Variants in UBN1 observed in about 807,000 individuals in gnomAD.
UBN1 encodes the protein ubinuclein-1.
UBN1 carries 17 observed loss-of-function variants against 108.5 expected under a neutral mutation model. The ratio of observed to expected loss-of-function variants is 0.16; its 90% CI spans 0.11 to 0.24. The LOEUF (loss-of-function observed/expected upper bound fraction) is 0.24, where lower values mean the gene tolerates loss of function less well. Among genes scored for constraint, UBN1 ranks in the 10% least tolerant of loss-of-function variants. UBN1 has a pLI of 1.00. For synonymous variants in UBN1, 726 were observed against 564.2 expected (o/e 1.29, Z -4.07); for missense variants, 1,595 against 1,394.4 (o/e 1.14, Z -2.29).
chr16:4,878,089 G>A (rs2087967667), intron 17 of UBN1, among the ~76,000 whole-genome samples: 1 of 152,054 alleles, frequency 6.6e-6, no homozygotes, highest in Admixed American at 6.5e-5. Flanking sequence ...TCTGAAATAG[G>A]GAACTTCTAA....
chr16:4,859,333 G>A (rs1257329184), intron 5 of UBN1, among the ~76,000 whole-genome samples, 174 bp downstream of exon 5: 4 of 152,180 alleles, frequency 2.6e-5, no homozygotes, highest in Non-Finnish European at 5.9e-5. Flanking sequence ...ATGAGGACAC[G>A]TGCCCGTGGG....
intron 2 of UBN1, among the ~76,000 whole-genome samples, chr16:4,855,656 T>C (rs2086774284): frequency 6.7e-6 from 1 of 149,554 alleles, no homozygotes; most frequent in Non-Finnish European, 1.5e-5. Flanking sequence ...CAGTGACTCA[T>C]GCCTGTAATC....
Position 4,874,860 on chromosome 16 carries a change from T to A in UBN1, c.2450T>A (p.Phe817Tyr). ...GCCGGCACTCAGCAGCAGAAAAACT[T>A]CACGCCCCCATCTCCATTTGCCAAT... ...FHAGTQQQKN[F>Y]TPPSPFANKL... Residue 817 changes from phenylalanine (F) to tyrosine (Y), a missense_variant, in exon 15 of 18, where the codon TTC (phenylalanine) becomes TAC (tyrosine). Around this residue, in one of 3 missense-constraint regions of UBN1, gnomAD observed 1,398 missense variants for 1,194.7 expected, o/e 1.17. Transcript: ENST00000262376. 1.9e-6 allele frequency: 3 copies of A among 1,614,050 alleles called. No homozygotes were observed. The highest frequency in any genetic ancestry group is 2.5e-6 in the Non-Finnish European group (3 of 1,180,036).
At chr16:4,852,772 G>A in intron 1 of UBN1, 107 bp from the exon 2 acceptor site, 1 of 1,157,330 alleles carries the variant, frequency 8.6e-7, no homozygotes, top group Non-Finnish European at 1.2e-6. Flanking sequence ...TATAACAATG[G>A]AGTTTTCTTG....
intron 17 of UBN1, among the ~76,000 whole-genome samples, chr16:4,879,644 T>G (rs2088020674): frequency 6.6e-6 from 1 of 152,272 alleles, no homozygotes; most frequent in South Asian, 2.1e-4. Context: ...TCTGCGTTGC[T>G]TTCCTTTCTT....
intron 7 of UBN1, among the ~76,000 whole-genome samples, chr16:4,868,563 A>T (rs924109710): frequency 1.3e-5 from 2 of 152,204 alleles, no homozygotes; most frequent in Non-Finnish European, 2.9e-5. Flanking sequence ...GGCTAAGTGC[A>T]TTGTGATGGC....
chr16:4,877,747 G>A lies in UBN1; in HGVS notation c.3355+273G>A. ...GCGGGGGGCAGGGTGGTGCGCTTTT[G>A]TGTGCGGTGGAGGAGTTCCTAACCC... On this transcript the variant is annotated intron_variant, in intron 17 of 17. Transcript: ENST00000262376. The surrounding 1 kb of genome is among the most constrained non-coding windows in gnomAD (Gnocchi z 4.3). 2 of 1,173,224 alleles carry A rather than the reference G, an allele frequency of 1.7e-6. No homozygotes were observed. The highest frequency in any genetic ancestry group is 2.1e-6 in the Non-Finnish European group (2 of 951,618). The allele number at this position is 1,173,224 out of a possible 1,614,324, so 72.7% of individuals were successfully genotyped here.
rs2087601936 is a variant in UBN1 at position 4,870,960 on chromosome 16, A to G, written c.1547A>G (p.Asn516Ser). 5.0e-6 allele frequency: 8 copies of G among 1,614,206 alleles called. No homozygotes were observed. The East Asian group carries it at 1.6e-4, about 31-fold the overall frequency. ...IMGPRKKFQWNDEIRELLCQV... is the reference protein window; with the variant it reads ...IMGPRKKFQWSDEIRELLCQV... ...GGACCTCGGAAGAAGTTCCAATGGAATGATGAGATCAGGTGTGCCCACACT... is the reference window on the plus strand; with the variant it reads ...GGACCTCGGAAGAAGTTCCAATGGAGTGATGAGATCAGGTGTGCCCACACT... Residue 516 changes from asparagine (N) to serine (S), a missense_variant, in exon 11 of 18, where the codon AAT becomes AGT. Physicochemically the swap from Asn to Ser is conservative, Grantham distance 46 (BLOSUM62 1). Around this residue, in one of 3 missense-constraint regions of UBN1, gnomAD observed 1,398 missense variants for 1,194.7 expected, o/e 1.17. Transcript: ENST00000262376.
chr16:4,879,565 C>T (rs2088018096), intron 17 of UBN1, among the ~76,000 whole-genome samples: 1 of 152,236 alleles, frequency 6.6e-6, no homozygotes, highest in Non-Finnish European at 1.5e-5. Flanking sequence ...CTTAGATGGA[C>T]TTCAGCTTAT....
chr16:4,849,096 C>G (rs975360099), intron 1 of UBN1, among the ~76,000 whole-genome samples: 4 of 152,222 alleles, frequency 2.6e-5, no homozygotes, highest in East Asian at 3.9e-4. Flanking sequence ...GAGCGAGACT[C>G]GTCCCCCCGC....
chr16:4,861,638 T>A (rs925802857), intron 7 of UBN1, among the ~76,000 whole-genome samples: 34 of 152,230 alleles, frequency 2.2e-4, no homozygotes, highest in Non-Finnish European at 8.8e-5. Context: ...ATGCTGTCCA[T>A]GTCCCATTAA....
At chr16:4,861,180 T>C (rs2087042770) in intron 7 of UBN1, 78 bp downstream of exon 7, 1 of 1,458,536 alleles carries the variant, frequency 6.9e-7, no homozygotes, top group Non-Finnish European at 9.1e-7. Context: ...TGCGTGAAGC[T>C]TGCCCAGAGA....
chr16:4,862,021 T>C (rs777515263), intron 7 of UBN1, among the ~76,000 whole-genome samples: 62 of 152,242 alleles, frequency 4.1e-4, no homozygotes, highest in Non-Finnish European at 7.1e-4. Context: ...AATTAAGCAC[T>C]GAGAATTGTC....
Position 4,871,161 on chromosome 16 carries a change from A to C in UBN1, c.1566A>C (p.Leu522=), listed in dbSNP as rs141409043. ...ATTTCTGCCTCCTTCTCAGGGAGCT[A>C]CTGTGCCAGGTGGTGAAGATCAAAC... ...KFQWNDEIRE[L]LCQVVKIKLE... The change falls in exon 12 of 18, where the codon CTA becomes CTC. Residue 522 remains leucine (L), a synonymous_variant. Coordinates refer to ENST00000262376, the MANE Select transcript of UBN1 (RefSeq NM_001079514.3). 9 of 1,614,142 alleles carry C rather than the reference A, an allele frequency of 5.6e-6. No homozygotes were observed. The highest frequency in any genetic ancestry group is 7.6e-6 in the Non-Finnish European group (9 of 1,180,004).
At chr16:4,853,994 A>G (rs2086677157) in intron 2 of UBN1, among the ~76,000 whole-genome samples, 1 of 152,074 alleles carries the variant, frequency 6.6e-6, no homozygotes, top group Admixed American at 6.6e-5. Flanking sequence ...ATGGGCAACC[A>G]CTGCCCTGAT....
intron 3 of UBN1, 38 bp from the exon 4 acceptor site, chr16:4,858,530 A>T: frequency 6.3e-7 from 1 of 1,587,238 alleles, no homozygotes; most frequent in East Asian, 2.2e-5. Context: ...CTGTGTGTTT[A>T]TTCAAAAAGC....
chr16:4,877,145 G>T lies in UBN1; in HGVS notation c.3265+34G>T, dbSNP rs988508183. The T allele has an allele frequency of 1.9e-6, 3 of 1,577,124 alleles. No homozygotes were observed. The African/African-American group carries it at 4.1e-5, about 21-fold the overall frequency. ...TTCTTTGCTGCCTCTGGTCACTCAG[G>T]AACCTCTAGATTGTGGCCAGGGGTC... On this transcript the variant is annotated intron_variant, in intron 16 of 17. Transcript: ENST00000262376. This position sits in a 1 kb window ranked among gnomAD's most constrained non-coding sequence, Gnocchi z 4.3.
Position 4,880,279 on chromosome 16 carries a change from C to A in UBN1, c.*147C>A. 6.7e-6 allele frequency: 6 copies of A among 891,816 alleles called. No homozygotes were observed. The highest frequency in any genetic ancestry group is 1.5e-5 in the South Asian group (1 of 68,008). The allele number at this position is 891,816 out of a possible 1,614,324, so 55.2% of individuals were successfully genotyped here. ...CTCAGCGGAGCGCTTCTCGGCACTT[C>A]TGATGTGCCTCCCATGGAGGGAGCC... On this transcript the variant is annotated 3_prime_UTR_variant, in exon 18 of 18. Transcript: ENST00000262376.
Position 4,868,821 on chromosome 16 carries a change from G to A in UBN1, c.1111-12G>A. On this transcript the variant is annotated splice_polypyrimidine_tract_variant and intron_variant, in intron 7 of 17. Transcript: ENST00000262376. ...AGTGCACTAACGGCTGTTACTGTCT[G>A]CTGTGCACCAGGCTGCCAGAGCTGC... is the stretch of plus-strand genomic sequence containing the variant. 1.2e-6 allele frequency: 2 copies of A among 1,613,538 alleles called. No homozygotes were observed. The highest frequency in any genetic ancestry group is 1.1e-5 in the South Asian group (1 of 91,020).
Sources: gnomAD v4.1 joint callset for allele counts (sites outside exome capture counted in the v4.1 genomes callset) on GRCh38, gnomAD v4.1.1 for gene constraint, gnomAD v4.1.1 regional missense constraint, Gnocchi (gnomAD v3.1) non-coding constraint, MANE v1.5 for transcripts, NCBI Gene and HGNC (gene_info 2026-07-23, HGNC 2026-07-21) for gene names.